The following ANO3 variants were observed in gnomAD, a reference collection of about 807,000 sequenced individuals.
ANO3 encodes anoctamin 3, also known as anoctamin-3.
A neutral mutation model predicts 144.8 loss-of-function variants in ANO3; 99 were observed. The observed-to-expected ratio is 0.68, with a 90% CI of 0.58 to 0.81. The LOEUF (loss-of-function observed/expected upper bound fraction) is 0.81, where lower values mean the gene tolerates loss of function less well. ANO3 is among the 30% of genes least tolerant of loss of function. The pLI, the probability that ANO3 is intolerant of heterozygous loss-of-function variation, is 0.00. For synonymous variants in ANO3, 414 were observed against 392.6 expected, an observed-to-expected ratio of 1.05 and a Z score of -0.64; for missense variants, 905 against 1,202.2, an observed-to-expected ratio of 0.75 and a Z score of 3.66.
chr11:26,339,385 C>T (rs769488804), intron 1 of ANO3, among the ~76,000 whole-genome samples: 1 of 152,154 alleles, frequency 6.6e-6, no homozygotes, highest in Non-Finnish European at 1.5e-5. Flanking sequence ...AAACTCCTGA[C>T]CCAGGCGATC....
intron 1 of ANO3, among the ~76,000 whole-genome samples, chr11:26,364,265 T>G (rs749034036): frequency 5.3e-5 from 8 of 152,160 alleles, no homozygotes; most frequent in Non-Finnish European, 1.2e-4. Context: ...CGTCTCTGTT[T>G]GCCCTGAAGA....
intron 14 of ANO3, among the ~76,000 whole-genome samples, chr11:26,597,262 G>A (rs1253848857): frequency 6.6e-6 from 1 of 152,188 alleles, no homozygotes; most frequent in Non-Finnish European, 1.5e-5. Context: ...CTGACCTGGG[G>A]TTCTTGGCCT....
At chr11:26,565,873 G>A (rs199701796) in intron 14 of ANO3, 1 of 1,579,150 alleles carries the variant, frequency 6.3e-7, no homozygotes, top group Non-Finnish European at 8.5e-7. Flanking sequence ...GGCTTCTTTG[G>A]TATTGGTTTT....
At chr11:26,535,685 C>T (rs1268293041) in intron 9 of ANO3, among the ~76,000 whole-genome samples, 1 of 146,134 alleles carries the variant, frequency 6.8e-6, no homozygotes, top group East Asian at 2.1e-4. Context: ...CGGGTTCACA[C>T]CATTCTCCTG....
At chr11:26,318,280 G>A (rs1224386046) in intron 1 of ANO3, among the ~76,000 whole-genome samples, 3 of 152,044 alleles carry the variant, frequency 2.0e-5, no homozygotes, top group African/African-American at 7.2e-5. Flanking sequence ...TTAAGCCTCA[G>A]AGTCCTATTT....
intron 14 of ANO3, among the ~76,000 whole-genome samples, chr11:26,585,209 A>G (rs149541611): frequency 1.8e-4 from 27 of 152,306 alleles, no homozygotes; most frequent in African/African-American, 6.5e-4. Context: ...TCTACTATGA[A>G]CAAAGTGAAA....
chr11:26,351,709 T>C (rs933683623), intron 1 of ANO3, among the ~76,000 whole-genome samples: 16 of 152,216 alleles, frequency 1.1e-4, no homozygotes, highest in Admixed American at 2.0e-4. Context: ...TTTGCCACCT[T>C]TCATTGGTTG....
chr11:26,334,563 C>A (rs1855144526), intron 1 of ANO3, among the ~76,000 whole-genome samples: 1 of 152,190 alleles, frequency 6.6e-6, no homozygotes, highest in Admixed American at 6.5e-5. Context: ...AAATCTTCAA[C>A]AAAGTGGTTA....
At chr11:26,451,197 C>T (rs1054258598) in intron 3 of ANO3, among the ~76,000 whole-genome samples, 10 of 152,244 alleles carry the variant, frequency 6.6e-5, no homozygotes, top group East Asian at 1.9e-4. Flanking sequence ...TCTGAGGTAC[C>T]GGGTTCATCT....
At chr11:26,600,778 C>T (rs996934656) in intron 17 of ANO3, among the ~76,000 whole-genome samples, 8 of 151,736 alleles carry the variant, frequency 5.3e-5, no homozygotes, top group Non-Finnish European at 1.2e-4. Flanking sequence ...GGCATTGCTA[C>T]GCCTTTATTC....
chr11:26,374,582 G>C (rs1052318508), intron 1 of ANO3, among the ~76,000 whole-genome samples: 7 of 152,158 alleles, frequency 4.6e-5, no homozygotes, highest in Non-Finnish European at 1.0e-4. Flanking sequence ...TTTTCAGTAT[G>C]GCTTTTGAAA....
At chr11:26,511,295 A>G (rs1190840462) in intron 5 of ANO3, among the ~76,000 whole-genome samples, 1 of 152,198 alleles carries the variant, frequency 6.6e-6, no homozygotes, top group Admixed American at 6.5e-5. Flanking sequence ...TTTGAAGCCG[A>G]GTTGGGAGAT....
rs1860445318 is a variant in ANO3, at chr11:26,486,317, T to C, written c.433-21787T>C. ...CGGAGGTTGCAGTGAGCCAAGGTCA[T>C]GCCACTGCACTCCAGTCTGGGCGAC... is the stretch of plus-strand genomic sequence containing the variant. On this transcript the variant is annotated intron_variant, in intron 4 of 26. Coordinates refer to ENST00000256737, the MANE Select transcript of ANO3 (RefSeq NM_031418.4). Among the ~76,000 whole-genome samples the C allele has an allele frequency of 2.2e-5, 3 of 136,794 alleles. No individual in the cohort carries two copies. In the South Asian group the frequency reaches 7.1e-4, roughly 32 times the overall value. 89.7% of individuals were successfully genotyped at this position (136,794 alleles called of 152,430 possible).
At chr11:26,307,595 T>C (rs1328575549), upstream of ANO3, among the ~76,000 whole-genome samples, 1 of 151,910 alleles carries the variant, frequency 6.6e-6, no homozygotes, top group Non-Finnish European at 1.5e-5. Flanking sequence ...GGCACATGCC[T>C]GTAGTCCCAG....
intron 1 of ANO3, among the ~76,000 whole-genome samples, chr11:26,238,287 T>C (rs937019906): frequency 1.3e-5 from 2 of 152,146 alleles, no homozygotes; most frequent in Admixed American, 1.3e-4. Flanking sequence ...AGGAGAAATT[T>C]CTGTAAGAAT....
chr11:26,581,729 T>C (rs1052035379), intron 14 of ANO3, among the ~76,000 whole-genome samples: 1 of 146,794 alleles, frequency 6.8e-6, no homozygotes, highest in Non-Finnish European at 1.5e-5. Flanking sequence ...AGAAACAAGA[T>C]GCCATGCCAT....
chr11:26,485,785 TG>T lies in ANO3; in HGVS notation c.433-22315del, dbSNP rs1349793088. On this transcript the variant is annotated intron_variant, in intron 4 of 26. Transcript: ENST00000256737. ...ACCTAGGGAAAAATCTTCTTGACAT[TG>T]GGGTAGGCAAATAATTTATTGACTA... Among the ~76,000 whole-genome samples the T allele has an allele frequency of 9.9e-5, 15 of 152,164 alleles. 1 individual carries two copies. The South Asian group carries it at 2.7e-3, about 27-fold the overall frequency.
intron 1 of ANO3, among the ~76,000 whole-genome samples, chr11:26,385,588 C>A (rs532007074): frequency 1.3e-5 from 2 of 152,084 alleles, no homozygotes; most frequent in Non-Finnish European, 2.9e-5. Flanking sequence ...AAATGTCTAA[C>A]CTCTGCTTCC....
intron 1 of ANO3, among the ~76,000 whole-genome samples, chr11:26,228,758 C>T (rs1852314194): frequency 6.6e-6 from 1 of 152,148 alleles, no homozygotes; most frequent in Non-Finnish European, 1.5e-5. Context: ...CAGAGAAGGG[C>T]ATGCTCTTGG....
Sources: allele counts gnomAD v4.1 joint callset (sites outside exome capture counted in the v4.1 genomes callset), GRCh38; gene constraint gnomAD v4.1.1; transcripts MANE v1.5; gene names NCBI Gene and HGNC (gene_info 2026-07-23, HGNC 2026-07-21).